HESX1: variants seen among roughly 807,000 people sequenced by gnomAD.
The protein encoded by HESX1 is homeobox expressed in ES cells 1.
In HESX1, 11 loss-of-function variants were observed where a neutral mutation model predicts 22.5. The observed-to-expected ratio is 0.49, with a 90% CI of 0.31 to 0.81. HESX1 has a LOEUF of 0.81. Among genes scored for constraint, HESX1 ranks in the 30% least tolerant of loss-of-function variants. The probability of loss-of-function intolerance (pLI) is 0.05; values close to 1 mark genes in which losing one functional copy is unlikely to be tolerated. For synonymous variants in HESX1, 74 were observed against 76.5 expected (o/e 0.97, Z 0.17); for missense variants, 201 against 212.6 (o/e 0.95, Z 0.34).
intron 1 of HESX1, among the ~76,000 whole-genome samples, chr3:57,208,322 G>A (rs964771713): frequency 2.0e-5 from 3 of 150,758 alleles, no homozygotes; most frequent in Non-Finnish European, 2.9e-5. Context: ...AAGAGTTTAA[G>A]AGGGAAGTAT....
chr3:57,206,185 C>T (rs967466468), intron 1 of HESX1, among the ~76,000 whole-genome samples: 10 of 152,040 alleles, frequency 6.6e-5, no homozygotes, highest in Non-Finnish European at 1.5e-4. Context: ...AGCGAAACAA[C>T]TTCTCAAAAA....
upstream of HESX1, among the ~76,000 whole-genome samples, chr3:57,204,783 A>G (rs1310453022): frequency 1.4e-4 from 20 of 140,794 alleles, no homozygotes; most frequent in African/African-American, 5.1e-4. Context: ...TGGATATATG[A>G]GTGAAACCTT....
Position 57,198,427 on chromosome 3 carries a change from TAA to T in HESX1, c.421_422del (p.Leu141SerfsTer27), listed in dbSNP as rs778799278. On this transcript the variant is annotated frameshift_variant, in exon 3 of 4. Coordinates refer to ENST00000295934, the MANE Select transcript of HESX1 (RefSeq NM_003865.3). LOFTEE classifies it high-confidence loss of function. Reference sequence around the variant, plus strand: ...CTTCCTCTAGATTCAATTTTTGAGCTAAGTCTTCTCTAATATCGATACCAGGA... The same window carrying T: ...CTTCCTCTAGATTCAATTTTTGAGCTGTCTTCTCTAATATCGATACCAGGA... ...CYPGIDIRED[L>X]AQKLNLEEDR... 6.2e-7 allele frequency: 1 copy of T among 1,608,360 alleles called. No homozygotes were observed. Among genetic ancestry groups the T allele is most frequent in the Admixed American group, 1.7e-5 (1 of 59,998 alleles).
intron 1 of HESX1, among the ~76,000 whole-genome samples, chr3:57,225,583 C>A (rs1341090974): frequency 1.3e-5 from 2 of 152,104 alleles, no homozygotes; most frequent in Admixed American, 6.5e-5. Context: ...CCTCTTGATC[C>A]GCCTGCCTCA....
chr3:57,227,596 C>A (rs371205045), upstream of HESX1: 237 of 292,636 alleles, frequency 8.1e-4, 1 homozygote, highest in East Asian at 1.0e-2. Context: ...CCGCTTCCGA[C>A]GCCCGCGCTC....
upstream of HESX1, among the ~76,000 whole-genome samples, chr3:57,202,705 C>T (rs115133057): frequency 0.017 from 2,623 of 152,100 alleles, 89 homozygotes; most frequent in African/African-American, 0.058. Flanking sequence ...AGATCAGTGA[C>T]GAACAAAACA....
At chr3:57,212,913 G>C (rs944143722) in intron 1 of HESX1, among the ~76,000 whole-genome samples, 6 of 152,040 alleles carry the variant, frequency 3.9e-5, no homozygotes, top group African/African-American at 1.4e-4. Flanking sequence ...ATTTACATTA[G>C]GTATTTCTCC....
At chr3:57,214,722 G>A (rs923076063) in intron 1 of HESX1, among the ~76,000 whole-genome samples, 1 of 152,162 alleles carries the variant, frequency 6.6e-6, no homozygotes, top group Non-Finnish European at 1.5e-5. Context: ...GAGATGTGCT[G>A]AGGCAGAGAT....
At chr3:57,200,140 A>G, upstream of HESX1, 2 of 541,920 alleles carry the variant, frequency 3.7e-6, no homozygotes, top group South Asian at 2.0e-5. Flanking sequence ...GTTTGCAAGT[A>G]ATTAGCAACT....
intron 1 of HESX1, among the ~76,000 whole-genome samples, chr3:57,206,913 T>G (rs1433699159): frequency 6.6e-6 from 1 of 152,186 alleles, no homozygotes; most frequent in Non-Finnish European, 1.5e-5. Context: ...CAGAGACTGC[T>G]AGTTGTCCAC....
At chr3:57,213,823 A>C (rs1310332945) in intron 1 of HESX1, among the ~76,000 whole-genome samples, 2 of 152,078 alleles carry the variant, frequency 1.3e-5, no homozygotes, top group Non-Finnish European at 2.9e-5. Flanking sequence ...AGGGAGGCTG[A>C]GTCAGGAGAA....
upstream of HESX1, among the ~76,000 whole-genome samples, chr3:57,202,871 T>C (rs1338902822): frequency 6.6e-6 from 1 of 152,142 alleles, no homozygotes; most frequent in African/African-American, 2.4e-5. Flanking sequence ...TGAGCTAGCA[T>C]GCCAAGAGCC....
At chr3:57,221,058 C>T (rs1025738641) in intron 1 of HESX1, among the ~76,000 whole-genome samples, 1 of 152,160 alleles carries the variant, frequency 6.6e-6, no homozygotes, top group African/African-American at 2.4e-5. Context: ...TGGCTCATTC[C>T]AGCCACTCCA....
chr3:57,224,522 T>C (rs2060632316), intron 1 of HESX1, among the ~76,000 whole-genome samples: 1 of 152,202 alleles, frequency 6.6e-6, no homozygotes, highest in Non-Finnish European at 1.5e-5. Context: ...TTTTTCCTCA[T>C]GTGGTTTGTG....
At chr3:57,223,058 T>G (rs1052284324) in intron 1 of HESX1, among the ~76,000 whole-genome samples, 1 of 152,200 alleles carries the variant, frequency 6.6e-6, no homozygotes, top group African/African-American at 2.4e-5. Flanking sequence ...TAGGAGCTAC[T>G]CTAAAAGCTC....
chr3:57,227,389 C>G (rs2060653596), upstream of HESX1, among the ~76,000 whole-genome samples: 1 of 152,230 alleles, frequency 6.6e-6, no homozygotes, highest in Non-Finnish European at 1.5e-5. Context: ...AAGGCGCCAG[C>G]AGTAGGACTT....
chr3:57,201,118 C>T (rs1466930421), upstream of HESX1, among the ~76,000 whole-genome samples: 2 of 152,194 alleles, frequency 1.3e-5, no homozygotes, highest in Non-Finnish European at 2.9e-5. Flanking sequence ...GAAAAACAGT[C>T]TCCACTCATA....
In HESX1 at chr3:57,199,705, A is replaced by AG. The variant is rs2060472690; in HGVS notation, c.157+56_157+57insC. On this transcript the variant is annotated intron_variant, in intron 1 of 3. Coordinates refer to ENST00000295934, the MANE Select transcript of HESX1 (RefSeq NM_003865.3). The stretch of plus-strand genomic sequence containing the variant: ...CTCTATGTAGTATGAAATAAAGGGC[A>AG]AATTAAACACTGTAAATGAAATAAC... 2.0e-6 allele frequency: 3 copies of AG among 1,523,902 alleles called. No homozygotes were observed. The African/African-American group carries it at 4.1e-5, about 21-fold the overall frequency. 94.4% of individuals were successfully genotyped at this position (1,523,902 alleles called of 1,614,324 possible). A position where few individuals can be genotyped will look rare whatever the true frequency, so the allele number is the denominator to read the frequency against.
intron 1 of HESX1, among the ~76,000 whole-genome samples, chr3:57,222,383 C>T (rs1426568878): frequency 1.3e-5 from 2 of 152,104 alleles, no homozygotes; most frequent in Admixed American, 1.3e-4. Flanking sequence ...CTCAGCCTCC[C>T]GAGTAACTGG....
Sources: gnomAD v4.1 joint callset for allele counts (sites outside exome capture counted in the v4.1 genomes callset) on GRCh38, gnomAD v4.1.1 for gene constraint, MANE v1.5 for transcripts, NCBI Gene and HGNC (gene_info 2026-07-23, HGNC 2026-07-21) for gene names.